The following RIMS2 variants were observed in gnomAD, a reference collection of about 807,000 sequenced individuals.
The protein encoded by RIMS2 is regulating synaptic membrane exocytosis 2.
RIMS2 carries 59 observed loss-of-function variants against 174.4 expected under a neutral mutation model. The ratio of observed to expected loss-of-function variants is 0.34; its 90% confidence interval spans 0.27 to 0.42. The LOEUF is 0.42. Among genes scored for constraint, RIMS2 ranks in the 10% least tolerant of loss-of-function variants. RIMS2 has a pLI of 1.00. For synonymous variants in RIMS2, 606 were observed against 572.5 expected (o/e 1.06, Z -0.84); for missense variants, 1,620 against 1,666.3 (o/e 0.97, Z 0.48).
At chr8:103,711,433 G>T (rs1298467041) in intron 2 of RIMS2, among the ~76,000 whole-genome samples, 3 of 152,268 alleles carry the variant, frequency 2.0e-5, no homozygotes, top group Non-Finnish European at 4.4e-5. Context: ...GGCCATTTGT[G>T]AATCATTATA....
intron 1 of RIMS2, among the ~76,000 whole-genome samples, chr8:103,623,377 AATG>A (rs1466392538): frequency 3.3e-5 from 5 of 151,964 alleles, no homozygotes; most frequent in African/African-American, 9.7e-5. Flanking sequence ...AATATTTTCT[AATG>A]ATAAAAATAT....
intron 1 of RIMS2, among the ~76,000 whole-genome samples, chr8:103,608,137 C>G (rs1346015601): frequency 6.7e-6 from 1 of 148,192 alleles, no homozygotes; most frequent in Non-Finnish European, 1.5e-5. Flanking sequence ...GTTTTATCTA[C>G]TTTTGGTCTT....
intron 1 of RIMS2, among the ~76,000 whole-genome samples, chr8:103,555,908 G>A (rs1273880304): frequency 6.6e-6 from 1 of 152,086 alleles, no homozygotes; most frequent in Non-Finnish European, 1.5e-5. Context: ...GATCTCAGAG[G>A]ATATTATGTT....
intron 19 of RIMS2, among the ~76,000 whole-genome samples, chr8:104,235,054 G>A (rs1408969482): frequency 2.0e-5 from 3 of 151,976 alleles, no homozygotes; most frequent in Admixed American, 6.6e-5. Flanking sequence ...TCATAAATAC[G>A]TTACCATCAT....
At chr8:103,712,037 G>T (rs573253042) in intron 2 of RIMS2, among the ~76,000 whole-genome samples, 2 of 151,644 alleles carry the variant, frequency 1.3e-5, no homozygotes, top group African/African-American at 4.8e-5. Flanking sequence ...TGTCAACCAG[G>T]TTAGAGTGCA....
chr8:103,587,329 G>A (rs928125943), intron 1 of RIMS2, among the ~76,000 whole-genome samples: 4 of 150,166 alleles, frequency 2.7e-5, no homozygotes, highest in Non-Finnish European at 4.4e-5. Context: ...AAATAGAGGA[G>A]GAAAGAATAC....
At chr8:103,697,017 A>T (rs1434694377) in intron 1 of RIMS2, 69 bp from the exon 4 acceptor site, 1 of 893,504 alleles carries the variant, frequency 1.1e-6, no homozygotes, top group African/African-American at 1.7e-5. Context: ...TGTGTCTATA[A>T]ATTGTGATAA....
intron 19 of RIMS2, among the ~76,000 whole-genome samples, chr8:104,065,723 A>G (rs899948944): frequency 7.2e-5 from 11 of 152,178 alleles, no homozygotes; most frequent in African/African-American, 2.4e-4. Flanking sequence ...AAGTTTGCTG[A>G]CTGAAATAGT....
intron 2 of RIMS2, among the ~76,000 whole-genome samples, chr8:103,727,705 C>T (rs2138725984): frequency 6.6e-6 from 1 of 152,284 alleles, no homozygotes; most frequent in African/African-American, 2.4e-5. Context: ...GACATTTTCC[C>T]AGTGTATGTT....
At chr8:103,677,925 A>G (rs1436964852) in intron 1 of RIMS2, among the ~76,000 whole-genome samples, 1 of 152,114 alleles carries the variant, frequency 6.6e-6, no homozygotes, top group African/African-American at 2.4e-5. Flanking sequence ...GTGTGTATGC[A>G]TTTATTTATT....
chr8:104,109,526 G>T (rs765136978), intron 19 of RIMS2, among the ~76,000 whole-genome samples: 1 of 151,580 alleles, frequency 6.6e-6, no homozygotes, highest in Non-Finnish European at 1.5e-5. Context: ...AGAACTCAAC[G>T]CAGTAATGCC....
intron 19 of RIMS2, among the ~76,000 whole-genome samples, chr8:104,017,885 C>T (rs544603681): frequency 6.6e-6 from 1 of 151,826 alleles, no homozygotes; most frequent in African/African-American, 2.4e-5. Context: ...AGACCAGCCT[C>T]GGTAACATGG....
intron 2 of RIMS2, among the ~76,000 whole-genome samples, chr8:103,747,931 T>G (rs1052773225): frequency 1.3e-5 from 2 of 152,188 alleles, no homozygotes; most frequent in African/African-American, 4.8e-5. Context: ...TATCTTAGAA[T>G]AGTAAATCCT....
At chr8:103,798,231 G>A (rs544579947) in intron 3 of RIMS2, among the ~76,000 whole-genome samples, 13 of 151,754 alleles carry the variant, frequency 8.6e-5, no homozygotes, top group Non-Finnish European at 1.5e-4. Flanking sequence ...ATTTGAAATG[G>A]GCAAATATAA....
At chr8:104,022,811 A>G (rs910678442) in intron 19 of RIMS2, among the ~76,000 whole-genome samples, 1 of 152,196 alleles carries the variant, frequency 6.6e-6, no homozygotes, top group Non-Finnish European at 1.5e-5. Flanking sequence ...ATTTGTTTTT[A>G]TCATTTATAT....
chr8:103,913,395 C>G lies in RIMS2; in HGVS notation c.1812+1223C>G, dbSNP rs1385017465. Among the ~76,000 whole-genome samples, 4 of 152,086 alleles carry G rather than the reference C, an allele frequency of 2.6e-5. No homozygotes were observed. The East Asian group carries it at 7.8e-4, about 30-fold the overall frequency. ...GTTACAGTGGGCTGTGATCACACCA[C>G]TGAATTCCAGCCTGGGCAACAGAGT... On this transcript the variant is annotated intron_variant, in intron 6 of 23. Transcript: ENST00000504942.
chr8:103,935,396 G>A (rs2081013135), intron 12 of RIMS2, among the ~76,000 whole-genome samples: 1 of 152,110 alleles, frequency 6.6e-6, no homozygotes, highest in African/African-American at 2.4e-5. Context: ...TGTTATATAT[G>A]TGTGCTCTGG....
intron 19 of RIMS2, among the ~76,000 whole-genome samples, chr8:104,057,878 T>A (rs2096901637): frequency 6.6e-6 from 1 of 151,798 alleles, no homozygotes; most frequent in Non-Finnish European, 1.5e-5. Context: ...TTCATCCATG[T>A]CCCTACAAAG....
intron 1 of RIMS2, among the ~76,000 whole-genome samples, chr8:103,598,875 A>C (rs1392444035): frequency 6.6e-6 from 1 of 152,154 alleles, no homozygotes; most frequent in Non-Finnish European, 1.5e-5. Context: ...TCTGTCTATA[A>C]GGGGGATGAC....
Sources: gnomAD v4.1 joint callset for allele counts (sites outside exome capture counted in the v4.1 genomes callset) on GRCh38, gnomAD v4.1.1 for gene constraint, MANE v1.5 for transcripts, NCBI Gene and HGNC (gene_info 2026-07-23, HGNC 2026-07-21) for gene names.